The following CADPS2 variants were observed in gnomAD, a reference collection of about 807,000 sequenced individuals.
The protein encoded by CADPS2 is calcium-dependent secretion activator 2.
CADPS2 carries 93 observed loss-of-function variants against 172.5 expected under a neutral mutation model. The observed-to-expected ratio is 0.54, with a 90% CI of 0.46 to 0.64. CADPS2 has a LOEUF of 0.64. Among genes scored for constraint, CADPS2 ranks in the 30% least tolerant of loss-of-function variants. The probability of loss-of-function intolerance (pLI) is 0.00; values close to 1 mark genes in which losing one functional copy is unlikely to be tolerated. For missense variants in CADPS2, 1,420 were observed against 1,565.9 expected (o/e 0.91, Z 1.57); for synonymous variants, 546 against 555.2 (o/e 0.98, Z 0.23).
At chr7:122,763,243 T>C (rs2093447389) in intron 1 of CADPS2, among the ~76,000 whole-genome samples, 1 of 151,238 alleles carries the variant, frequency 6.6e-6, no homozygotes, top group Non-Finnish European at 1.5e-5. Context: ...ATGTGCATAA[T>C]ATAAATAATG....
rs754252768 is a variant in CADPS2, at chr7:122,702,406, T to G, written c.453+34549A>C. ...CTCCCTTCTCTGCTGCCACGTTGAT[T>G]TTATGTGTAAAAGTACAGCCTCCAC... is the stretch of plus-strand genomic sequence containing the variant. On this transcript the variant is annotated intron_variant, in intron 2 of 29. Coordinates refer to ENST00000449022, the MANE Select transcript of CADPS2 (RefSeq NM_017954.11). 50 of 1,613,634 alleles carry G rather than the reference T, an allele frequency of 3.1e-5. 2 individuals carry two copies. The South Asian group carries it at 3.3e-4, about 11-fold the overall frequency.
chr7:122,491,264 T>A lies in CADPS2; in HGVS notation c.1651+48A>T, dbSNP rs1488464650. ...AACAGACAAAGGATATTTATAAGAATTCCATGCATACATACATGGCAGGAA... is the reference window on the plus strand; with the variant it reads ...AACAGACAAAGGATATTTATAAGAAATCCATGCATACATACATGGCAGGAA... On this transcript the variant is annotated intron_variant, in intron 10 of 29. Transcript: ENST00000449022. The A allele has an allele frequency of 2.5e-6, 3 of 1,203,548 alleles. No homozygotes were observed. The African/African-American group carries it at 4.6e-5, about 18-fold the overall frequency. The allele number at this position is 1,203,548 out of a possible 1,614,324, so 74.6% of individuals were successfully genotyped here. A position where few individuals can be genotyped will look rare whatever the true frequency, so the allele number is the denominator to read the frequency against.
At position 122,519,620 on chromosome 7, in the gene CADPS2, G is replaced by T. The variant is rs2060628463; in HGVS notation, c.1476-6305C>A. Among the ~76,000 whole-genome samples the T allele has an allele frequency of 2.6e-5, 4 of 152,038 alleles. 1 individual carries two copies. In the South Asian group the frequency reaches 8.3e-4, roughly 32 times the overall value. ...GCTCCAAAGAAACACACAACTGATTGCTAGGAAACAAAGCACAAAGACAAC... is the reference window on the plus strand; with the variant it reads ...GCTCCAAAGAAACACACAACTGATTTCTAGGAAACAAAGCACAAAGACAAC... On this transcript the variant is annotated intron_variant, in intron 8 of 29. Coordinates refer to ENST00000449022, the MANE Select transcript of CADPS2 (RefSeq NM_017954.11).
chr7:122,556,083 T>C (rs1358694159), intron 7 of CADPS2, among the ~76,000 whole-genome samples: 2 of 152,080 alleles, frequency 1.3e-5, no homozygotes, highest in African/African-American at 4.8e-5. Context: ...TATACTCAAG[T>C]ATATAAAGGA....
intron 6 of CADPS2, among the ~76,000 whole-genome samples, chr7:122,591,786 G>A (rs1213971054): frequency 2.6e-5 from 4 of 152,160 alleles, no homozygotes; most frequent in Admixed American, 2.6e-4. Flanking sequence ...CTAGCCACAT[G>A]TAGAAAGCTG....
chr7:122,373,411 T>C (rs142801882), intron 25 of CADPS2, among the ~76,000 whole-genome samples: 297 of 152,308 alleles, frequency 1.9e-3, no homozygotes, highest in African/African-American at 6.7e-3. Context: ...TTTTTGTGTA[T>C]GTGTGCTAAC....
chr7:122,785,422 T>C (rs902535491), intron 1 of CADPS2, among the ~76,000 whole-genome samples: 4 of 152,192 alleles, frequency 2.6e-5, no homozygotes, highest in African/African-American at 9.7e-5. Context: ...TAGTTTAAAC[T>C]GATAATGCCC....
At position 122,500,893 on chromosome 7, in the gene CADPS2, C is replaced by G. The variant is rs532402652; in HGVS notation, c.1543-9473G>C. On this transcript the variant is annotated intron_variant, in intron 9 of 29. Transcript: ENST00000449022. ...CAAAAATATTGGAAGGTATTGTGAA[C>G]TGAAAACTAGTCAGGAAAAAGTGGT... Among the ~76,000 whole-genome samples, 126 of 152,102 alleles carry G rather than the reference C, an allele frequency of 8.3e-4. 1 individual carries two copies. Among genetic ancestry groups the G allele is most frequent in the Non-Finnish European group, 5.4e-4 (37 of 67,996 alleles).
At position 122,320,101 on chromosome 7, in the gene CADPS2, A is replaced by T; in HGVS notation, c.*64T>A. 1 of 1,358,344 alleles carries T rather than the reference A, an allele frequency of 7.4e-7. No homozygotes were observed. Among genetic ancestry groups the T allele is most frequent in the Non-Finnish European group, 9.7e-7 (1 of 1,035,360 alleles). The allele number at this position is 1,358,344 out of a possible 1,614,324, so 84.1% of individuals were successfully genotyped here. A position where few individuals can be genotyped will look rare whatever the true frequency, so the allele number is the denominator to read the frequency against. On this transcript the variant is annotated 3_prime_UTR_variant, in exon 30 of 30. Coordinates refer to ENST00000449022, the MANE Select transcript of CADPS2 (RefSeq NM_017954.11). Reference sequence around the variant, plus strand: ...AACAATGAATGTAATTACAAGGACAAGGTTAAAAAAATAAAAAACAATGTC... The same window carrying T: ...AACAATGAATGTAATTACAAGGACATGGTTAAAAAAATAAAAAACAATGTC...
At chr7:122,380,889 A>G (rs771205330) in intron 24 of CADPS2, among the ~76,000 whole-genome samples, 6 of 152,080 alleles carry the variant, frequency 3.9e-5, no homozygotes, top group African/African-American at 1.2e-4. Context: ...AGTAGTGCTG[A>G]TATTTTTGCT....
At position 122,320,455 on chromosome 7, in the gene CADPS2, G is replaced by T. The variant is rs1006316995; in HGVS notation, c.3718-117C>A. The stretch of plus-strand genomic sequence containing the variant: ...GGGAATCCACTGATAGGTTCATGTG[G>T]CTGTCCATGCCAATCATCTTCTTGG... On this transcript the variant is annotated intron_variant, in intron 29 of 29. Coordinates refer to ENST00000449022, the MANE Select transcript of CADPS2 (RefSeq NM_017954.11). 20 of 666,042 alleles carry T rather than the reference G, an allele frequency of 3.0e-5. No individual in the cohort carries two copies. In the African/African-American group the frequency reaches 3.5e-4, roughly 12 times the overall value. 41.3% of individuals were successfully genotyped at this position (666,042 alleles called of 1,614,324 possible). A position where few individuals can be genotyped will look rare whatever the true frequency, so the allele number is the denominator to read the frequency against.
intron 28 of CADPS2, among the ~76,000 whole-genome samples, chr7:122,339,650 G>A (rs1157188570): frequency 6.6e-6 from 1 of 152,204 alleles, no homozygotes; most frequent in Non-Finnish European, 1.5e-5. Context: ...ACTTTGGGAG[G>A]TGGAGGCAGA....
At chr7:122,645,679 A>ATG (rs1467040074) in intron 3 of CADPS2, among the ~76,000 whole-genome samples, 1 of 65,406 alleles carries the variant, frequency 1.5e-5, no homozygotes, top group Admixed American at 1.6e-4. Context: ...ATATATATAT[A>ATG]TATCTTGGGA....
At chr7:122,513,914 T>C (rs1041482238) in intron 8 of CADPS2, among the ~76,000 whole-genome samples, 2 of 152,214 alleles carry the variant, frequency 1.3e-5, no homozygotes, top group Non-Finnish European at 2.9e-5. Flanking sequence ...ATGTTTTAAC[T>C]ATAAAATTCT....
At chr7:122,391,765 A>T (rs1200969118) in intron 22 of CADPS2, among the ~76,000 whole-genome samples, 1 of 152,010 alleles carries the variant, frequency 6.6e-6, no homozygotes, top group Non-Finnish European at 1.5e-5. Context: ...TCTTTTCTTG[A>T]TTGTGTGCAT....
intron 9 of CADPS2, among the ~76,000 whole-genome samples, chr7:122,494,764 G>C (rs534833254): frequency 6.6e-6 from 1 of 151,922 alleles, no homozygotes; most frequent in Non-Finnish European, 1.5e-5. Flanking sequence ...TGATACTTGT[G>C]GTTCTTGCTA....
intron 6 of CADPS2, among the ~76,000 whole-genome samples, chr7:122,589,463 C>T (rs1464627660): frequency 6.6e-6 from 1 of 151,820 alleles, no homozygotes; most frequent in Admixed American, 6.6e-5. Context: ...AAACTCTAAG[C>T]AGAAAACAAT....
Position 122,835,314 on chromosome 7 carries a change from T to C in CADPS2, c.339+50685A>G, listed in dbSNP as rs185823143. Among the ~76,000 whole-genome samples the C allele has an allele frequency of 6.0e-3, 906 of 152,186 alleles. 8 individuals are homozygous for C. The highest frequency in any genetic ancestry group is 0.021 in the African/African-American group (869 of 41,522). On this transcript the variant is annotated intron_variant, in intron 1 of 29. Coordinates refer to ENST00000449022, the MANE Select transcript of CADPS2 (RefSeq NM_017954.11). ...ACCATCATCAAAGACCAAAGGTAGA[T>C]AAAACCACAAAGATGGGGAAAAAGC... is the stretch of plus-strand genomic sequence containing the variant.
chr7:122,591,526 C>CA (rs1352761483), intron 6 of CADPS2, among the ~76,000 whole-genome samples: 1 of 152,034 alleles, frequency 6.6e-6, no homozygotes, highest in African/African-American at 2.4e-5. Context: ...CCTGCATTGC[C>CA]AAGACAATCC....
Sources: gnomAD v4.1 joint callset for allele counts (sites outside exome capture counted in the v4.1 genomes callset) on GRCh38, gnomAD v4.1.1 for gene constraint, MANE v1.5 for transcripts, NCBI Gene and HGNC (gene_info 2026-07-23, HGNC 2026-07-21) for gene names.